LUC7L2: variants seen among roughly 807,000 people sequenced by gnomAD.
LUC7L2 encodes the protein LUC7 like 2, pre-mRNA splicing factor.
A neutral mutation model predicts 52.8 loss-of-function variants in LUC7L2; 25 were observed. The ratio of observed to expected loss-of-function variants is 0.47; its 90% CI spans 0.34 to 0.66. The LOEUF (loss-of-function observed/expected upper bound fraction) is 0.66, where lower values mean the gene tolerates loss of function less well. Ranked by LOEUF, LUC7L2 falls within the 30% of genes least tolerant of loss-of-function variation. LUC7L2 has a pLI of 0.01. For missense variants in LUC7L2, 328 were observed against 497.8 expected (o/e 0.66, Z 3.25); for synonymous variants, 144 against 160.9 (o/e 0.89, Z 0.80).
chr7:139,363,324 A>G (rs1799976512), intron 1 of LUC7L2: 1 of 799,120 alleles, frequency 1.3e-6, no homozygotes, highest in Non-Finnish European at 1.5e-6. Context: ...ACTCATACCC[A>G]TATAACTGGG....
At chr7:139,417,849 A>G (rs921915456) in intron 9 of LUC7L2, 120 bp downstream of exon 9, 5 of 1,325,880 alleles carry the variant, frequency 3.8e-6, no homozygotes, top group Admixed American at 2.7e-5. Flanking sequence ...GCATCTGGTA[A>G]TATGTACACA....
intron 6 of LUC7L2, among the ~76,000 whole-genome samples, chr7:139,407,985 C>A (rs1170419706): frequency 6.6e-6 from 1 of 152,082 alleles, no homozygotes; most frequent in Non-Finnish European, 1.5e-5. Flanking sequence ...AATCTATTTA[C>A]CTTTTAATAT....
intron 2 of LUC7L2, among the ~76,000 whole-genome samples, chr7:139,380,655 A>G (rs6467840): frequency 6.6e-6 from 1 of 152,032 alleles, no homozygotes; most frequent in South Asian, 2.1e-4. Context: ...TCTAGAATAT[A>G]TTCATATTGT....
intron 2 of LUC7L2, among the ~76,000 whole-genome samples, chr7:139,395,105 G>A (rs915470894): frequency 6.6e-6 from 1 of 152,172 alleles, no homozygotes; most frequent in Non-Finnish European, 1.5e-5. Flanking sequence ...AAAATAGAAT[G>A]TAGCATCATG....
rs1011322730 is a variant in LUC7L2, at chr7:139,422,583, T to G, written c.*243T>G. On this transcript the variant is annotated 3_prime_UTR_variant, in exon 10 of 10. Transcript: ENST00000354926. The stretch of plus-strand genomic sequence containing the variant: ...AGTACAGTTTTATATAATAAGATGC[T>G]GATCTCTTTATTCTTTCAAGTAAGA... The G allele has an allele frequency of 3.9e-6, 3 of 777,172 alleles. No homozygotes were observed. The highest frequency in any genetic ancestry group is 5.3e-6 in the Non-Finnish European group (3 of 570,528). The allele number at this position is 777,172 out of a possible 1,614,324, so 48.1% of individuals were successfully genotyped here. A position where few individuals can be genotyped will look rare whatever the true frequency, so the allele number is the denominator to read the frequency against.
chr7:139,374,311 A>G, intron 1 of LUC7L2: 1 of 931,928 alleles, frequency 1.1e-6, no homozygotes, highest in Non-Finnish European at 1.7e-6. Context: ...CTTTACAGTC[A>G]ACATGTACTT....
chr7:139,403,505 T>G (rs920903474), intron 4 of LUC7L2, among the ~76,000 whole-genome samples: 5 of 152,184 alleles, frequency 3.3e-5, no homozygotes, highest in African/African-American at 1.2e-4. Context: ...GGGTTGCTTT[T>G]AGTCAACCTT....
intron 2 of LUC7L2, among the ~76,000 whole-genome samples, chr7:139,380,758 C>A (rs566747159): frequency 2.1e-3 from 318 of 152,248 alleles, no homozygotes; most frequent in Non-Finnish European, 3.4e-3. Context: ...AACAAAAAAA[C>A]CTAAACCAAG....
chr7:139,343,964 A>G (rs1013396730), intron 1 of LUC7L2, among the ~76,000 whole-genome samples: 1 of 148,488 alleles, frequency 6.7e-6, no homozygotes, highest in Non-Finnish European at 1.5e-5. Context: ...TGGGGGGCGT[A>G]TTATGTAGGC....
At chr7:139,381,878 ATTTTTTTTTTTT>A (rs57302073) in intron 2 of LUC7L2, among the ~76,000 whole-genome samples, 3 of 105,176 alleles carry the variant, frequency 2.9e-5, no homozygotes, top group Non-Finnish European at 5.7e-5. Flanking sequence ...GCCTGGCCTA[ATTTTTTTTTTTT>A]TTTTTTTTTT....
intron 8 of LUC7L2, chr7:139,412,936 G>C (rs1353631746): frequency 6.4e-6 from 1 of 155,760 alleles, no homozygotes; most frequent in Non-Finnish European, 1.4e-5. Context: ...GGTACATTTA[G>C]GAAACATGTT....
intron 1 of LUC7L2, chr7:139,371,595 A>C (rs1267665956): frequency 8.6e-7 from 1 of 1,161,826 alleles, no homozygotes; most frequent in East Asian, 2.6e-5. Flanking sequence ...GATAGCATGC[A>C]AAGTATAAAA....
At chr7:139,362,206 GTATTGGGT>G (rs892489875) in intron 1 of LUC7L2, among the ~76,000 whole-genome samples, 2 of 151,920 alleles carry the variant, frequency 1.3e-5, no homozygotes, top group African/African-American at 2.4e-5. Context: ...TTTCACTGCT[GTATTGGGT>G]TAGAAGTAAA....
rs1218367884 is a variant in LUC7L2 at position 139,360,325 on chromosome 7, A to G, written c.61+3A>G. On this transcript the variant is annotated splice_donor_region_variant and intron_variant, in intron 1 of 9. Transcript: ENST00000354926. The stretch of plus-strand genomic sequence containing the variant: ...GTTGATGGGCACCTCCCGGGACGGT[A>G]AGTCTCTGCCAGGGCCCTGGGGGTG... The G allele has an allele frequency of 3.2e-6, 5 of 1,563,986 alleles. No individual in the cohort carries two copies. Among genetic ancestry groups the G allele is most frequent in the Non-Finnish European group, 4.3e-6 (5 of 1,155,172 alleles).
chr7:139,345,660 C>G, intron 1 of LUC7L2: 3 of 1,614,150 alleles, frequency 1.9e-6, no homozygotes, highest in Non-Finnish European at 1.7e-6. Flanking sequence ...CTTGGTGGGT[C>G]TCAAGTTGCC....
rs372997429 is a variant in LUC7L2, at chr7:139,341,936, C to G, written c.-26+1419C>G. Among the ~76,000 whole-genome samples, 374 of 152,292 alleles carry G rather than the reference C, an allele frequency of 2.5e-3. 3 individuals are homozygous for G. Among genetic ancestry groups the G allele is most frequent in the African/African-American group, 8.5e-3 (355 of 41,556 alleles). ...GCATCTGGCCAACAATTTCCTCACC[C>G]GTCCCCTAGAAAAGTTATTCTAAGA... On this transcript the variant is annotated intron_variant, in intron 1 of 10. Transcript: ENST00000541170.
At chr7:139,363,157 T>C in intron 1 of LUC7L2, 4 of 974,290 alleles carry the variant, frequency 4.1e-6, no homozygotes, top group Non-Finnish European at 4.9e-6. Flanking sequence ...AACTCTGCCT[T>C]CTTTGCAATT....
At chr7:139,405,915 T>C in intron 5 of LUC7L2, 128 bp downstream of exon 5, 2 of 1,324,504 alleles carry the variant, frequency 1.5e-6, no homozygotes, top group Non-Finnish European at 2.0e-6. Flanking sequence ...TATTGAACAG[T>C]TGTTAAAGAG....
intron 1 of LUC7L2, chr7:139,345,419 G>A (rs4410856): frequency 4.3e-5 from 67 of 1,560,406 alleles, no homozygotes; most frequent in Non-Finnish European, 5.6e-5. Flanking sequence ...TTTCACTCTA[G>A]TGAATGCTTA....
Sources: allele counts gnomAD v4.1 joint callset (sites outside exome capture counted in the v4.1 genomes callset), GRCh38; gene constraint gnomAD v4.1.1; transcripts MANE v1.5; gene names NCBI Gene and HGNC (gene_info 2026-07-23, HGNC 2026-07-21).